SSH2: variants seen among roughly 807,000 people sequenced by gnomAD.
The protein encoded by SSH2 is slingshot protein phosphatase 2.
A neutral mutation model predicts 135.2 loss-of-function variants in SSH2; 37 were observed. The ratio of observed to expected loss-of-function variants is 0.27; its 90% CI spans 0.21 to 0.36. SSH2 has a LOEUF of 0.36. Ranked by LOEUF, SSH2 falls within the 10% of genes least tolerant of loss-of-function variation. The pLI is 1.00. For missense variants in SSH2, 1,408 were observed against 1,765.3 expected (o/e 0.80, Z 3.63); for synonymous variants, 628 against 646.2 (o/e 0.97, Z 0.43).
intron 2 of SSH2, among the ~76,000 whole-genome samples, chr17:29,831,267 G>T (rs1214950887): frequency 3.3e-5 from 5 of 152,082 alleles, no homozygotes; most frequent in Admixed American, 3.3e-4. Context: ...TAACCTATAC[G>T]CTACTCAGTT....
chr17:29,718,577 C>G (rs1304897869), intron 3 of SSH2, among the ~76,000 whole-genome samples: 4 of 151,810 alleles, frequency 2.6e-5, no homozygotes, highest in African/African-American at 9.7e-5. Context: ...ACTAAAAATA[C>G]AAAACATTAG....
intron 1 of SSH2, among the ~76,000 whole-genome samples, chr17:29,916,877 G>T (rs572957676): frequency 5.9e-5 from 9 of 152,058 alleles, no homozygotes; most frequent in Admixed American, 1.3e-4. Context: ...TGAAGAAAAG[G>T]CTATCTCAAA....
chr17:29,807,662 C>T (rs1314752382), intron 2 of SSH2, among the ~76,000 whole-genome samples: 2 of 152,110 alleles, frequency 1.3e-5, no homozygotes, highest in Non-Finnish European at 2.9e-5. Context: ...ATACATTTGA[C>T]ATCTTGGAGT....
At chr17:29,737,324 C>T (rs1485242801) in intron 3 of SSH2, among the ~76,000 whole-genome samples, 1 of 152,002 alleles carries the variant, frequency 6.6e-6, no homozygotes, top group Non-Finnish European at 1.5e-5. Flanking sequence ...ATAGTCTCTC[C>T]CTCCCAGCTT....
intron 2 of SSH2, among the ~76,000 whole-genome samples, chr17:29,813,786 C>A (rs968439567): frequency 6.6e-6 from 1 of 150,768 alleles, no homozygotes; most frequent in African/African-American, 2.4e-5. Context: ...CCACTGCACT[C>A]CAGCCTGGAA....
chr17:29,660,416 G>A (rs548779163), intron 11 of SSH2, among the ~76,000 whole-genome samples: 40 of 151,730 alleles, frequency 2.6e-4, no homozygotes, highest in Admixed American at 1.2e-3. Context: ...ACAGGTGTGC[G>A]CCACCACATT....
At chr17:29,689,697 C>T (rs2038381849) in intron 5 of SSH2, among the ~76,000 whole-genome samples, 3 of 152,102 alleles carry the variant, frequency 2.0e-5, no homozygotes, top group Non-Finnish European at 4.4e-5. Context: ...CCTCTTTATT[C>T]CTGAAGAACC....
intron 3 of SSH2, among the ~76,000 whole-genome samples, chr17:29,744,536 T>A (rs997953126): frequency 6.6e-6 from 1 of 152,244 alleles, no homozygotes; most frequent in Admixed American, 6.5e-5. Context: ...ACTATTTGTA[T>A]GGAAGATTCT....
At chr17:29,786,170 A>G (rs1598997137) in intron 3 of SSH2, among the ~76,000 whole-genome samples, 1 of 152,236 alleles carries the variant, frequency 6.6e-6, no homozygotes, top group Non-Finnish European at 1.5e-5. Context: ...CACACAAGAA[A>G]AAGTTGAGTT....
At chr17:29,742,913 G>A (rs1567938158) in intron 3 of SSH2, among the ~76,000 whole-genome samples, 1 of 151,906 alleles carries the variant, frequency 6.6e-6, no homozygotes, top group Non-Finnish European at 1.5e-5. Context: ...GGGATTACAG[G>A]CGTGAGCCCC....
intron 11 of SSH2, among the ~76,000 whole-genome samples, chr17:29,663,998 C>A (rs2037163107): frequency 6.6e-6 from 1 of 152,124 alleles, no homozygotes; most frequent in Admixed American, 6.5e-5. Context: ...TTGCTGTGAA[C>A]CTAAAACTAC....
chr17:29,756,427 C>T (rs1266529675), intron 3 of SSH2, among the ~76,000 whole-genome samples: 2 of 151,574 alleles, frequency 1.3e-5, no homozygotes, highest in Non-Finnish European at 2.9e-5. Context: ...TGAACCACTA[C>T]ACCTGCCTGC....
chr17:29,851,723 C>T (rs1006145538), intron 1 of SSH2, among the ~76,000 whole-genome samples: 1 of 151,878 alleles, frequency 6.6e-6, no homozygotes, highest in Non-Finnish European at 1.5e-5. Context: ...AATAATCAGC[C>T]AAGTATGGTG....
At chr17:29,868,120 T>C (rs943257972) in intron 1 of SSH2, among the ~76,000 whole-genome samples, 11 of 152,138 alleles carry the variant, frequency 7.2e-5, no homozygotes, top group African/African-American at 2.4e-4. Context: ...CATTCCCTAT[T>C]CTTTGGAGAA....
intron 1 of SSH2, among the ~76,000 whole-genome samples, chr17:29,908,204 C>T (rs1186555223): frequency 6.6e-6 from 1 of 152,022 alleles, no homozygotes; most frequent in Non-Finnish European, 1.5e-5. Context: ...GTAATGATAG[C>T]ACTTTGGGAG....
At chr17:29,781,468 G>GTT (rs2041838023) in intron 3 of SSH2, among the ~76,000 whole-genome samples, 2 of 114,512 alleles carry the variant, frequency 1.7e-5, no homozygotes, top group Non-Finnish European at 3.8e-5. Flanking sequence ...CTAATCCTGT[G>GTT]TTTTCTTTTT....
At chr17:29,732,230 T>C (rs1158764709) in intron 3 of SSH2, among the ~76,000 whole-genome samples, 2 of 152,224 alleles carry the variant, frequency 1.3e-5, no homozygotes, top group Non-Finnish European at 2.9e-5. Context: ...ATTTTCTTTC[T>C]TCTTAGTAGG....
intron 2 of SSH2, among the ~76,000 whole-genome samples, chr17:29,829,640 C>T (rs1599056505): frequency 6.6e-6 from 1 of 152,042 alleles, no homozygotes; most frequent in Non-Finnish European, 1.5e-5. Context: ...CTCATTTATT[C>T]TTCTTTTAAC....
chr17:29,908,649 A>T (rs943607065), intron 1 of SSH2, among the ~76,000 whole-genome samples: 1 of 150,712 alleles, frequency 6.6e-6, no homozygotes, highest in Admixed American at 6.6e-5. Context: ...CTGTAATCCC[A>T]GTTACTCGGG....
Sources: gnomAD v4.1 joint callset for allele counts (sites outside exome capture counted in the v4.1 genomes callset) on GRCh38, gnomAD v4.1.1 for gene constraint, MANE v1.5 for transcripts, NCBI Gene and HGNC (gene_info 2026-07-23, HGNC 2026-07-21) for gene names.